Variants in HHAT observed in about 807,000 individuals in gnomAD.
The protein encoded by HHAT is hedgehog acyltransferase.
Under a neutral mutation model 70.8 loss-of-function variants are expected in HHAT, and 47 were observed. That is an observed-to-expected ratio of 0.66 (90% CI 0.53 to 0.85). The LOEUF is 0.85. HHAT is among the 40% of genes least tolerant of loss of function. HHAT has a pLI of 0.00. For missense variants in HHAT, 609 were observed against 604.8 expected, an observed-to-expected ratio of 1.01 and a Z score of -0.07; for synonymous variants, 228 against 247.6, an observed-to-expected ratio of 0.92 and a Z score of 0.74.
chr1:210,644,692 G>A (rs1673679714), intron 11 of HHAT, among the ~76,000 whole-genome samples: 1 of 151,584 alleles, frequency 6.6e-6, no homozygotes, highest in African/African-American at 2.4e-5. Flanking sequence ...AAATTAGTTT[G>A]GGAACTTTTG....
chr1:210,408,000 T>G (rs895172282), intron 6 of HHAT, among the ~76,000 whole-genome samples: 3 of 152,174 alleles, frequency 2.0e-5, no homozygotes, highest in African/African-American at 7.2e-5. Flanking sequence ...CCCTCCAGGG[T>G]TTGAATCCCT....
At chr1:210,552,671 G>C (rs2095537292) in intron 9 of HHAT, among the ~76,000 whole-genome samples, 1 of 152,206 alleles carries the variant, frequency 6.6e-6, no homozygotes, top group African/African-American at 2.4e-5. Context: ...CTCTTGACCA[G>C]TTATTGATGT....
intron 9 of HHAT, among the ~76,000 whole-genome samples, chr1:210,526,119 C>T (rs564249064): frequency 5.9e-5 from 9 of 152,112 alleles, no homozygotes; most frequent in South Asian, 2.1e-4. Context: ...TTCTGGTGAG[C>T]GTGGTAGTGG....
intron 8 of HHAT, among the ~76,000 whole-genome samples, chr1:210,467,418 C>A (rs2094129276): frequency 6.6e-6 from 1 of 152,188 alleles, no homozygotes; most frequent in South Asian, 2.1e-4. Context: ...TGGTCCTGGT[C>A]TCATTCTCTA....
At chr1:210,518,536 T>G (rs2095099679) in intron 9 of HHAT, among the ~76,000 whole-genome samples, 1 of 152,154 alleles carries the variant, frequency 6.6e-6, no homozygotes, top group East Asian at 1.9e-4. Flanking sequence ...CTCGCACCTG[T>G]AATCCCAGCA....
intron 4 of HHAT, among the ~76,000 whole-genome samples, chr1:210,396,324 C>G (rs917794745): frequency 2.6e-5 from 4 of 152,122 alleles, no homozygotes; most frequent in Non-Finnish European, 5.9e-5. Context: ...TCTCAAGCTT[C>G]AGGTCACTCA....
rs139265186 is a variant in HHAT at position 210,436,864 on chromosome 1, T to C, written c.856+18539T>C. Among the ~76,000 whole-genome samples the C allele has an allele frequency of 3.5e-3, 527 of 151,968 alleles. 3 individuals are homozygous for C. The highest frequency in any genetic ancestry group is 5.0e-3 in the Non-Finnish European group (343 of 68,016). ...TCTTTCACTTGTTCTCCTAGTTCCA[T>C]GAGGAACCCCAAATGGCTGGGTGAT... is the stretch of plus-strand genomic sequence containing the variant. On this transcript the variant is annotated intron_variant, in intron 7 of 11. Transcript: ENST00000261458.
Position 210,529,177 on chromosome 1 carries a change from C to T in HHAT, c.1043+15989C>T, listed in dbSNP as rs753769246. 3.3e-5 allele frequency among the ~76,000 whole-genome samples: 5 copies of T among 152,006 alleles called. No homozygotes were observed. In the South Asian group the frequency reaches 6.2e-4, roughly 19 times the overall value. On this transcript the variant is annotated intron_variant, in intron 9 of 11. Transcript: ENST00000261458. ...AAAATTAGCCAGGTATGGTGGCACA[C>T]GCCTGTAATCCCAGCTACTTGGGAG...
rs561841936 is a variant in HHAT at position 210,418,303 on chromosome 1, G to T, written c.834G>T (p.Glu278Asp). Residue 278 changes from glutamate (E) to aspartate (D), a missense_variant, in exon 7 of 12, where the codon GAG (glutamate) becomes GAT (aspartate). Coordinates refer to ENST00000261458, the MANE Select transcript of HHAT (RefSeq NM_018194.6). ...HAIYSSIPLLETVSCWTLGGL... is the reference protein window; with the variant it reads ...HAIYSSIPLLDTVSCWTLGGL... Reference sequence around the variant, plus strand: ...TCTACAGCAGCATCCCCCTCCTGGAGACTGTCTCTTGTTGGACCTTAGGTA... The same window carrying T: ...TCTACAGCAGCATCCCCCTCCTGGATACTGTCTCTTGTTGGACCTTAGGTA... 53 of 1,602,586 alleles carry T rather than the reference G, an allele frequency of 3.3e-5. No homozygotes were observed. In the South Asian group the frequency reaches 5.6e-4, roughly 17 times the overall value.
chr1:210,667,078 A>C (rs1244630878), intron 11 of HHAT, among the ~76,000 whole-genome samples: 1 of 132,026 alleles, frequency 7.6e-6, no homozygotes, highest in East Asian at 2.2e-4. Flanking sequence ...AAACATCTCA[A>C]AAAAAAAAAA....
intron 8 of HHAT, among the ~76,000 whole-genome samples, chr1:210,480,619 C>T (rs2094380858): frequency 6.6e-6 from 1 of 152,206 alleles, no homozygotes; most frequent in South Asian, 2.1e-4. Flanking sequence ...GAGCCCGTTA[C>T]ATCCTGCACC....
intron 11 of HHAT, among the ~76,000 whole-genome samples, chr1:210,641,591 A>T (rs943756911): frequency 1.3e-5 from 2 of 152,226 alleles, no homozygotes; most frequent in Admixed American, 1.3e-4. Flanking sequence ...TGAAAATGCA[A>T]ATTTCCATTA....
At chr1:210,645,370 C>G (rs1345396093) in intron 11 of HHAT, among the ~76,000 whole-genome samples, 3 of 152,184 alleles carry the variant, frequency 2.0e-5, no homozygotes, top group African/African-American at 4.8e-5. Context: ...CTCTGCCCCC[C>G]GGGTTCACGC....
chr1:210,467,385 A>G (rs1205825223), intron 8 of HHAT, among the ~76,000 whole-genome samples: 1 of 152,204 alleles, frequency 6.6e-6, no homozygotes, highest in African/African-American at 2.4e-5. Context: ...CATGTTCAGT[A>G]TCTGGTGGCA....
chr1:210,358,971 T>C (rs1438287887), intron 2 of HHAT, among the ~76,000 whole-genome samples: 1 of 152,170 alleles, frequency 6.6e-6, no homozygotes, highest in African/African-American at 2.4e-5. Flanking sequence ...ATGTATCCTT[T>C]TGTGGAAGGG....
chr1:210,367,718 A>G (rs905795332), intron 3 of HHAT, among the ~76,000 whole-genome samples: 1 of 152,170 alleles, frequency 6.6e-6, no homozygotes, highest in Non-Finnish European at 1.5e-5. Context: ...TTACAGCCCC[A>G]ATCAAGAATG....
At chr1:210,593,032 C>T (rs1014991527) in intron 10 of HHAT, among the ~76,000 whole-genome samples, 3 of 152,138 alleles carry the variant, frequency 2.0e-5, no homozygotes, top group African/African-American at 7.2e-5. Flanking sequence ...CTCCCCGCTT[C>T]CCCCACCCCA....
chr1:210,333,298 C>G (rs539160525), intron 1 of HHAT, among the ~76,000 whole-genome samples: 1 of 152,184 alleles, frequency 6.6e-6, no homozygotes, highest in Non-Finnish European at 1.5e-5. Flanking sequence ...GCTAGCATCA[C>G]TTGTAGTCCC....
chr1:210,497,976 C>T (rs910091281), intron 8 of HHAT, among the ~76,000 whole-genome samples: 2 of 152,088 alleles, frequency 1.3e-5, no homozygotes, highest in East Asian at 1.9e-4. Flanking sequence ...AGGATGGTCT[C>T]GATCTCTTGA....
Sources: gnomAD v4.1 joint callset for allele counts (sites outside exome capture counted in the v4.1 genomes callset) on GRCh38, gnomAD v4.1.1 for gene constraint, MANE v1.5 for transcripts, NCBI Gene and HGNC (gene_info 2026-07-23, HGNC 2026-07-21) for gene names.